The following STXBP5L variants were observed in gnomAD, a reference collection of about 807,000 sequenced individuals.
STXBP5L encodes syntaxin binding protein 5L.
A neutral mutation model predicts 144.5 loss-of-function variants in STXBP5L; 65 were observed. The ratio of observed to expected loss-of-function variants is 0.45; its 90% CI spans 0.37 to 0.55. The LOEUF is 0.55. Among genes scored for constraint, STXBP5L ranks in the 20% least tolerant of loss-of-function variants. The pLI is 0.00. For missense variants in STXBP5L, 1,298 were observed against 1,405.5 expected (o/e 0.92, Z 1.22); for synonymous variants, 505 against 469.6 (o/e 1.08, Z -0.97).
At chr3:120,928,629 T>C (rs913221655) in intron 2 of STXBP5L, among the ~76,000 whole-genome samples, 1 of 143,292 alleles carries the variant, frequency 7.0e-6, no homozygotes, top group Admixed American at 7.1e-5. Context: ...TAGAATCATA[T>C]GGTATACAGA....
intron 15 of STXBP5L, among the ~76,000 whole-genome samples, chr3:121,252,567 C>T (rs1457328753): frequency 1.3e-5 from 2 of 151,984 alleles, no homozygotes; most frequent in Admixed American, 1.3e-4. Flanking sequence ...TCACTGTAAT[C>T]AAGGTCATAT....
chr3:120,926,575 T>C (rs1382338024), intron 2 of STXBP5L, among the ~76,000 whole-genome samples: 1 of 152,110 alleles, frequency 6.6e-6, no homozygotes, highest in African/African-American at 2.4e-5. Context: ...TACTTGGATG[T>C]TTATCTCTTT....
rs2047400076 is a variant in STXBP5L, at chr3:121,423,641, A to G, written c.*4544A>G. The G allele has an allele frequency of 6.6e-6, 1 of 152,222 alleles. No individual in the cohort carries two copies. Among genetic ancestry groups the G allele is most frequent in the Admixed American group, 6.5e-5 (1 of 15,278 alleles). The allele number at this position is 152,222 out of a possible 1,614,324, so 9.4% of individuals were successfully genotyped here. Reference sequence around the variant, plus strand: ...AAATTTTTAAATTCCCAATTATATTAAAATCATTTGGAGTGGGAACCAGAC... The same window carrying G: ...AAATTTTTAAATTCCCAATTATATTGAAATCATTTGGAGTGGGAACCAGAC... On this transcript the variant is annotated 3_prime_UTR_variant, in exon 27 of 27. Transcript: ENST00000471454.
chr3:121,056,168 A>T (rs1451452087), intron 5 of STXBP5L, among the ~76,000 whole-genome samples: 1 of 152,142 alleles, frequency 6.6e-6, no homozygotes, highest in Non-Finnish European at 1.5e-5. Context: ...ACGATTTTAA[A>T]CCTAAATAGG....
At chr3:120,933,678 T>A (rs1344379950) in intron 2 of STXBP5L, among the ~76,000 whole-genome samples, 2 of 152,154 alleles carry the variant, frequency 1.3e-5, no homozygotes, top group Non-Finnish European at 2.9e-5. Flanking sequence ...TGTATTTACT[T>A]GCTTTCATGT....
intron 5 of STXBP5L, among the ~76,000 whole-genome samples, chr3:121,086,760 T>G (rs995806522): frequency 6.6e-6 from 1 of 152,134 alleles, no homozygotes; most frequent in Non-Finnish European, 1.5e-5. Flanking sequence ...TTTGGATTTT[T>G]AAGCACTCTG....
At chr3:121,342,882 A>G (rs1239002713) in intron 20 of STXBP5L, among the ~76,000 whole-genome samples, 1 of 149,902 alleles carries the variant, frequency 6.7e-6, no homozygotes, top group Non-Finnish European at 1.5e-5. Context: ...TTGCTGGGTC[A>G]AATGGTATTT....
intron 3 of STXBP5L, among the ~76,000 whole-genome samples, chr3:120,993,940 G>A (rs9862272): frequency 6.6e-6 from 1 of 151,782 alleles, no homozygotes. Flanking sequence ...CATGGGATAT[G>A]TTTCCATCTG....
At chr3:121,320,983 G>C (rs1161824679) in intron 20 of STXBP5L, among the ~76,000 whole-genome samples, 1 of 152,200 alleles carries the variant, frequency 6.6e-6, no homozygotes, top group Non-Finnish European at 1.5e-5. Context: ...ACAGGCGTGA[G>C]CCACCGTGCC....
chr3:121,188,666 A>G (rs1452780845), intron 9 of STXBP5L, among the ~76,000 whole-genome samples: 1 of 152,344 alleles, frequency 6.6e-6, no homozygotes, highest in African/African-American at 2.4e-5. Context: ...ACGCAAATCA[A>G]TAAACGTAAT....
At chr3:121,365,785 T>C (rs896176609) in intron 20 of STXBP5L, among the ~76,000 whole-genome samples, 20 of 151,922 alleles carry the variant, frequency 1.3e-4, no homozygotes, top group Middle Eastern at 3.4e-3. Context: ...TCTGCTCTAA[T>C]GTTTATGTTT....
intron 5 of STXBP5L, among the ~76,000 whole-genome samples, chr3:121,051,394 C>G (rs895658710): frequency 5.3e-4 from 81 of 152,288 alleles, no homozygotes; most frequent in Admixed American, 1.8e-3. Flanking sequence ...GTCTCTCAGA[C>G]AACAGTGCAA....
chr3:120,932,391 C>A (rs1709992586), intron 2 of STXBP5L, among the ~76,000 whole-genome samples: 1 of 152,138 alleles, frequency 6.6e-6, no homozygotes, highest in East Asian at 1.9e-4. Flanking sequence ...AATAGTCTAG[C>A]AGGCAGCCAT....
At chr3:121,379,486 C>T (rs1222587928) in intron 21 of STXBP5L, among the ~76,000 whole-genome samples, 1 of 152,050 alleles carries the variant, frequency 6.6e-6, no homozygotes, top group African/African-American at 2.4e-5. Flanking sequence ...TGATAAGGAA[C>T]TTTAGAGAAA....
chr3:121,030,842 A>T (rs1000355817), intron 3 of STXBP5L, among the ~76,000 whole-genome samples: 5 of 152,078 alleles, frequency 3.3e-5, no homozygotes, highest in African/African-American at 1.2e-4. Context: ...TGGCTTTTTA[A>T]ACCTGATCAA....
intron 3 of STXBP5L, among the ~76,000 whole-genome samples, chr3:120,978,782 G>T (rs1322258681): frequency 2.6e-5 from 4 of 152,166 alleles, no homozygotes; most frequent in Non-Finnish European, 4.4e-5. Context: ...CTCAGCTGCA[G>T]GTCTGTTGGA....
intron 3 of STXBP5L, among the ~76,000 whole-genome samples, chr3:120,990,568 C>T (rs1432208378): frequency 1.3e-5 from 2 of 152,134 alleles, no homozygotes; most frequent in South Asian, 2.1e-4. Flanking sequence ...TACTACAAGG[C>T]TACAGTAACC....
intron 7 of STXBP5L, among the ~76,000 whole-genome samples, chr3:121,123,217 G>A (rs1357335641): frequency 2.0e-5 from 3 of 151,432 alleles, no homozygotes; most frequent in Non-Finnish European, 3.0e-5. Flanking sequence ...AATGGAAAAA[G>A]CACTGGGAAA....
intron 20 of STXBP5L, among the ~76,000 whole-genome samples, chr3:121,368,398 T>C (rs2045929777): frequency 6.6e-6 from 1 of 152,078 alleles, no homozygotes; most frequent in South Asian, 2.1e-4. Context: ...TTTCTCCCCA[T>C]CTTTCTTTAG....
Sources: allele counts gnomAD v4.1 joint callset (sites outside exome capture counted in the v4.1 genomes callset), GRCh38; gene constraint gnomAD v4.1.1; transcripts MANE v1.5; gene names NCBI Gene and HGNC (gene_info 2026-07-23, HGNC 2026-07-21).